HMCN1: variants seen among roughly 807,000 people sequenced by gnomAD.
HMCN1 encodes the protein hemicentin 1, also known as hemicentin-1.
In HMCN1, 321 loss-of-function variants were observed where a neutral mutation model predicts 625.9. The observed-to-expected ratio is 0.51, with a 90% CI of 0.47 to 0.56. The LOEUF (loss-of-function observed/expected upper bound fraction) is 0.56, where lower values mean the gene tolerates loss of function less well. HMCN1 is among the 20% of genes least tolerant of loss of function. The probability of loss-of-function intolerance (pLI) is 0.00; values close to 1 mark genes in which losing one functional copy is unlikely to be tolerated. For synonymous variants in HMCN1, 2,425 were observed against 2,417.6 expected (o/e 1.00, Z -0.09); for missense variants, 6,588 against 6,887.3 (o/e 0.96, Z 1.54).
chr1:186,015,161 C>T lies in HMCN1; in HGVS notation c.4633C>T (p.Pro1545Ser), dbSNP rs1654276299. The change falls in exon 31 of 107, where the codon CCA (proline) becomes TCA (serine). Residue 1545 changes from proline to serine, a missense_variant and splice_region_variant. Pro to Ser is a moderately conservative substitution (Grantham distance 74). Transcript: ENST00000271588. Reference sequence around the variant, plus strand: ...TTTTGTTCTGAAATCCTTTGTAGTTCCACCTAGTATTAAAGGAGGAAATGT... The same window carrying T: ...TTTTGTTCTGAAATCCTTTGTAGTTTCACCTAGTATTAAAGGAGGAAATGT... ...AKDIKLTIYI[P>S]PSIKGGNVTT... The T allele has an allele frequency of 6.2e-7, 1 of 1,606,034 alleles. No homozygotes were observed. Among genetic ancestry groups the T allele is most frequent in the African/African-American group, 1.3e-5 (1 of 74,908 alleles).
intron 1 of HMCN1, among the ~76,000 whole-genome samples, chr1:185,809,920 T>G (rs752962122): frequency 1.3e-5 from 2 of 152,098 alleles, no homozygotes; most frequent in Admixed American, 6.6e-5. Context: ...TATTTTTCTT[T>G]TGGGTATCAA....
chr1:186,144,464 C>T, intron 90 of HMCN1, 69 bp from the exon 91 acceptor site: 1 of 1,610,746 alleles, frequency 6.2e-7, no homozygotes, highest in Non-Finnish European at 8.5e-7. Context: ...CTCAAACTAA[C>T]AATGCCCAGA....
chr1:186,130,655 C>G lies in HMCN1; in HGVS notation c.13188C>G (p.Ile4396Met). 6.2e-7 allele frequency: 1 copy of G among 1,613,322 alleles called. No homozygotes were observed. The highest frequency in any genetic ancestry group is 8.5e-7 in the Non-Finnish European group (1 of 1,179,608). The change falls in exon 85 of 107, where the codon ATC becomes ATG. Residue 4396 changes from isoleucine to methionine, a missense_variant. This residue lies in a region of HMCN1 where 1,954 missense variants were observed against 2,013.1 expected (regional missense o/e 0.97). Transcript: ENST00000271588. The part of the protein sequence containing the change: ...KGVDIEISHR[I>M]RQLGNGSLAI... ...TGGATATTGAAATTAGCCACAGAATCCGGCAACTGGGCAATGGCTCCCTGG... is the reference window on the plus strand; with the variant it reads ...TGGATATTGAAATTAGCCACAGAATGCGGCAACTGGGCAATGGCTCCCTGG...
intron 6 of HMCN1, among the ~76,000 whole-genome samples, chr1:185,913,805 T>C (rs1170725793): frequency 6.6e-6 from 1 of 152,200 alleles, no homozygotes; most frequent in African/African-American, 2.4e-5. Context: ...ATTTACTGAC[T>C]GCTCTTGGCC....
chr1:186,082,465 G>A (rs566726833), intron 56 of HMCN1, among the ~76,000 whole-genome samples: 2 of 152,220 alleles, frequency 1.3e-5, no homozygotes, highest in African/African-American at 4.8e-5. Flanking sequence ...GAGTGAGCAC[G>A]AGTGAACAGG....
intron 1 of HMCN1, among the ~76,000 whole-genome samples, chr1:185,811,341 C>T (rs1041371115): frequency 1.3e-5 from 2 of 152,020 alleles, no homozygotes; most frequent in Non-Finnish European, 2.9e-5. Flanking sequence ...ATGTACTGTT[C>T]TCCACATCAC....
intron 90 of HMCN1, 24 bp from the exon 91 acceptor site, chr1:186,144,509 A>G: frequency 1.9e-6 from 3 of 1,614,080 alleles, no homozygotes; most frequent in South Asian, 2.2e-5. Context: ...GTAAGAAAGC[A>G]TGTACCTTTT....
At chr1:186,133,964 GAATAT>G (rs1157737288) in intron 86 of HMCN1, among the ~76,000 whole-genome samples, 17 of 152,070 alleles carry the variant, frequency 1.1e-4, no homozygotes, top group Non-Finnish European at 8.8e-5. Context: ...AACAAGGAGA[GAATAT>G]AATATGCCAC....
At chr1:186,139,457 A>G (rs1199192869) in intron 89 of HMCN1, among the ~76,000 whole-genome samples, 1 of 152,210 alleles carries the variant, frequency 6.6e-6, no homozygotes, top group Non-Finnish European at 1.5e-5. Flanking sequence ...TGTCATCTAT[A>G]ATAACTATAT....
rs2102416527 is a variant in HMCN1 at position 186,093,121 on chromosome 1, A to G, written c.9888-13A>G. Reference sequence around the variant, plus strand: ...ATCTCATCTCAGCCCCTCTGTTATGATCTTTTCCGTAGAGTGAGTGCAAAT... The same window carrying G: ...ATCTCATCTCAGCCCCTCTGTTATGGTCTTTTCCGTAGAGTGAGTGCAAAT... On this transcript the variant is annotated splice_polypyrimidine_tract_variant and intron_variant, in intron 64 of 106. Transcript: ENST00000271588. 7 of 1,613,148 alleles carry G rather than the reference A, an allele frequency of 4.3e-6. No individual in the cohort carries two copies. Among genetic ancestry groups the G allele is most frequent in the Non-Finnish European group, 5.9e-6 (7 of 1,179,392 alleles).
chr1:185,777,113 G>A (rs1000378994), intron 1 of HMCN1, among the ~76,000 whole-genome samples: 1 of 152,154 alleles, frequency 6.6e-6, no homozygotes, highest in Non-Finnish European at 1.5e-5. Context: ...CAATACCCAG[G>A]AGGTGCTACA....
chr1:186,028,536 C>A (rs560613756), intron 36 of HMCN1, among the ~76,000 whole-genome samples: 1 of 152,086 alleles, frequency 6.6e-6, no homozygotes, highest in Non-Finnish European at 1.5e-5. Context: ...TGAACCATTA[C>A]GTGCTTTGCA....
At chr1:185,964,736 G>T (rs1351499374) in intron 13 of HMCN1, among the ~76,000 whole-genome samples, 1 of 152,080 alleles carries the variant, frequency 6.6e-6, no homozygotes, top group African/African-American at 2.4e-5. Context: ...TCAGACGGAG[G>T]AATTAGCAAA....
chr1:185,860,589 C>T (rs763740067), intron 2 of HMCN1, among the ~76,000 whole-genome samples: 18 of 152,248 alleles, frequency 1.2e-4, no homozygotes, highest in Non-Finnish European at 2.4e-4. Flanking sequence ...GGACAACAGG[C>T]ATGCGCTACC....
intron 100 of HMCN1, among the ~76,000 whole-genome samples, chr1:186,167,549 G>T (rs1651956814): frequency 6.6e-6 from 1 of 152,094 alleles, no homozygotes; most frequent in Non-Finnish European, 1.5e-5. Flanking sequence ...CATTCTATGG[G>T]TTTGCAAAAA....
rs932045078 is a variant in HMCN1 at position 186,122,886 on chromosome 1, T to C, written c.12230-65T>C. ...AATGTTTGCTAGAGCAGTACTGTAG[T>C]ATGTAATTTGCGCACTCATGCTTCT... is the stretch of plus-strand genomic sequence containing the variant. On this transcript the variant is annotated intron_variant, in intron 80 of 106. Transcript: ENST00000271588. 191 of 1,496,934 alleles carry C rather than the reference T, an allele frequency of 1.3e-4. No homozygotes were observed. In the Middle Eastern group the frequency reaches 2.8e-3, roughly 22 times the overall value. The allele number at this position is 1,496,934 out of a possible 1,614,324, so 92.7% of individuals were successfully genotyped here.
At chr1:185,821,290 G>A (rs547968518) in intron 1 of HMCN1, among the ~76,000 whole-genome samples, 30 of 152,184 alleles carry the variant, frequency 2.0e-4, no homozygotes, top group African/African-American at 6.7e-4. Flanking sequence ...TTCTGAAGAA[G>A]TTAGCTCTAA....
chr1:185,754,122 T>C (rs1212390550), intron 1 of HMCN1, among the ~76,000 whole-genome samples: 1 of 152,150 alleles, frequency 6.6e-6, no homozygotes, highest in African/African-American at 2.4e-5. Flanking sequence ...CATGACAACA[T>C]AGATGAACCC....
Position 186,120,140 on chromosome 1 carries a change from T to C in HMCN1, c.12224T>C (p.Val4075Ala), listed in dbSNP as rs768691453. ...GTALGKIKLNVQVPPVISPHL... is the reference protein window; with the variant it reads ...GTALGKIKLNAQVPPVISPHL... The stretch of plus-strand genomic sequence containing the variant: ...GCCTTGGGCAAAATCAAGTTAAATG[T>C]CCAAGGTACCTAAATAATTCATCTC... Residue 4075 changes from valine to alanine, a missense_variant, in exon 80 of 107, where the codon GTC (valine) becomes GCC (alanine). By Grantham distance (64) the Val-to-Ala change is moderately conservative. This residue lies in a region of HMCN1 where 1,954 missense variants were observed against 2,013.1 expected (regional missense o/e 0.97). Coordinates refer to ENST00000271588, the MANE Select transcript of HMCN1 (RefSeq NM_031935.3). 5 of 1,613,804 alleles carry C rather than the reference T, an allele frequency of 3.1e-6. No individual in the cohort carries two copies. Among genetic ancestry groups the C allele is most frequent in the Admixed American group, 1.7e-5 (1 of 59,968 alleles).
Sources: allele counts gnomAD v4.1 joint callset (sites outside exome capture counted in the v4.1 genomes callset), GRCh38; gene constraint gnomAD v4.1.1; regional missense constraint gnomAD v4.1.1; transcripts MANE v1.5; gene names NCBI Gene and HGNC (gene_info 2026-07-23, HGNC 2026-07-21).